The following CD84 variants were observed in gnomAD, a reference collection of about 807,000 sequenced individuals.
CD84 encodes the protein CD84 molecule, also known as SLAM family member 5.
A neutral mutation model predicts 33.8 loss-of-function variants in CD84; 22 were observed. The ratio of observed to expected loss-of-function variants is 0.65; its 90% CI spans 0.46 to 0.93. The LOEUF (loss-of-function observed/expected upper bound fraction) is 0.93, where lower values mean the gene tolerates loss of function less well. Ranked by LOEUF, CD84 falls within the 40% of genes least tolerant of loss-of-function variation. CD84 has a pLI of 0.00. For synonymous variants in CD84, 154 were observed against 145.2 expected, an observed-to-expected ratio of 1.06 and a Z score of -0.44; for missense variants, 400 against 397.6, an observed-to-expected ratio of 1.01 and a Z score of -0.05.
chr1:160,556,271 T>C (rs1237139462), intron 2 of CD84, among the ~76,000 whole-genome samples: 2 of 152,204 alleles, frequency 1.3e-5, no homozygotes, highest in East Asian at 1.9e-4. Flanking sequence ...CAAGCCAAGA[T>C]TGTGGAAGCC....
At chr1:160,556,620 T>C (rs1335410692) in intron 2 of CD84, among the ~76,000 whole-genome samples, 1 of 152,260 alleles carries the variant, frequency 6.6e-6, no homozygotes, top group African/African-American at 2.4e-5. Context: ...ATACAGTGCT[T>C]AAATATGTAT....
intron 2 of CD84, among the ~76,000 whole-genome samples, chr1:160,559,957 T>C (rs989507257): frequency 6.6e-6 from 1 of 152,140 alleles, no homozygotes; most frequent in African/African-American, 2.4e-5. Flanking sequence ...ATCCTAAATA[T>C]ATATGCACAC....
chr1:160,554,451 G>A lies in CD84; in HGVS notation c.389-305C>T, dbSNP rs137935654. On this transcript the variant is annotated intron_variant, in intron 2 of 6. Transcript: ENST00000368054. ...GCATGTCTTAAAATCAGCCATGGTA[G>A]GAGTATTACCCCACAGAAATTTGCA... Among the ~76,000 whole-genome samples the A allele has an allele frequency of 2.3e-4, 35 of 152,188 alleles. No homozygotes were observed. In the East Asian group the frequency reaches 4.8e-3, roughly 21 times the overall value.
Position 160,549,803 on chromosome 1 carries a change from G to A in CD84, c.921+114C>T, listed in dbSNP as rs150736246. ...ACCAAAAACCTAGGCAGTGGGTCCT[G>A]AGAACTACAAGGAGTCCCAGGGGAA... On this transcript the variant is annotated intron_variant, in intron 6 of 6. Transcript: ENST00000368054. 6.1e-3 allele frequency: 5,039 copies of A among 827,854 alleles called. 25 individuals carry two copies. The highest frequency in any genetic ancestry group is 8.6e-3 in the Non-Finnish European group (4,037 of 469,366). The allele number at this position is 827,854 out of a possible 1,614,324, so 51.3% of individuals were successfully genotyped here.
chr1:160,554,372 T>C (rs1213362858), intron 2 of CD84, among the ~76,000 whole-genome samples: 1 of 152,240 alleles, frequency 6.6e-6, no homozygotes, highest in Non-Finnish European at 1.5e-5. Context: ...CTCGAGGTTA[T>C]CTACATCTAT....
rs1314355287 is a variant in CD84, at chr1:160,579,469, C to A, written c.-32G>T. The A allele has an allele frequency of 1.2e-6, 2 of 1,612,328 alleles. No individual in the cohort carries two copies. Among genetic ancestry groups the A allele is most frequent in the Admixed American group, 3.3e-5 (2 of 59,790 alleles). On this transcript the variant is annotated 5_prime_UTR_variant, in exon 1 of 7. Transcript: ENST00000368054. ...CAGGGTCTAACCTTCTGTGGAAAAG[C>A]ACGGCACTGTTCTAGCAGAGTCAGT...
intron 2 of CD84, among the ~76,000 whole-genome samples, chr1:160,559,286 G>A: frequency 6.6e-6 from 1 of 152,200 alleles, no homozygotes; most frequent in South Asian, 2.1e-4. Context: ...GTACCTCTCA[G>A]TAGAAACTCT....
At chr1:160,566,344 C>T (rs1007697598) in intron 1 of CD84, among the ~76,000 whole-genome samples, 1 of 152,126 alleles carries the variant, frequency 6.6e-6, no homozygotes, top group Non-Finnish European at 1.5e-5. Flanking sequence ...GAGTGCCTAA[C>T]ACAGAGAAGG....
At chr1:160,574,927 CT>C (rs1230725827) in intron 1 of CD84, among the ~76,000 whole-genome samples, 2 of 152,082 alleles carry the variant, frequency 1.3e-5, no homozygotes, top group Non-Finnish European at 2.9e-5. Context: ...AAATAAACAT[CT>C]TCAAAGAGAC....
chr1:160,555,780 A>G (rs906313534), intron 2 of CD84, among the ~76,000 whole-genome samples: 5 of 152,244 alleles, frequency 3.3e-5, no homozygotes, highest in Admixed American at 3.3e-4. Flanking sequence ...TAGAAAGGCA[A>G]TAAATTCAGA....
Position 160,553,877 on chromosome 1 carries a change from A to C in CD84, c.640+18T>G, listed in dbSNP as rs1192796593. 2 of 1,614,028 alleles carry C rather than the reference A, an allele frequency of 1.2e-6. No individual in the cohort carries two copies. ...TGATCTCTGAGACTCACCAGGAGAG[A>C]TGGGCAGAGCTGGTTACCTGCACAG... On this transcript the variant is annotated intron_variant, in intron 3 of 6. Transcript: ENST00000368054.
intron 2 of CD84, among the ~76,000 whole-genome samples, chr1:160,557,860 C>T (rs1031385544): frequency 2.0e-5 from 3 of 152,162 alleles, no homozygotes; most frequent in Non-Finnish European, 4.4e-5. Flanking sequence ...GGAAGGGTCC[C>T]CTACAACGCG....
chr1:160,555,330 G>A (rs1656537313), intron 2 of CD84, among the ~76,000 whole-genome samples: 3 of 151,946 alleles, frequency 2.0e-5, no homozygotes, highest in African/African-American at 2.4e-5. Context: ...TGATCCACCC[G>A]CCTCGGCCTC....
chr1:160,569,995 A>T (rs553653478), intron 1 of CD84, among the ~76,000 whole-genome samples: 7 of 152,114 alleles, frequency 4.6e-5, no homozygotes, highest in African/African-American at 1.7e-4. Flanking sequence ...TGTAGTAATG[A>T]TGTGTGGGGA....
intron 1 of CD84, among the ~76,000 whole-genome samples, chr1:160,579,080 G>A (rs1571396866): frequency 6.6e-6 from 1 of 152,056 alleles, no homozygotes; most frequent in East Asian, 1.9e-4. Flanking sequence ...TCTTTCTTTT[G>A]CCAGGCTTTT....
chr1:160,574,710 GA>G (rs1361588874), intron 1 of CD84, among the ~76,000 whole-genome samples: 2 of 152,102 alleles, frequency 1.3e-5, no homozygotes, highest in Admixed American at 1.3e-4. Context: ...GACTGGCCAT[GA>G]ACCCCAGGGA....
rs1197006472 is a variant in CD84, at chr1:160,553,360, C to A, written c.760+18G>T. The A allele has an allele frequency of 1.9e-6, 3 of 1,613,976 alleles. No individual in the cohort carries two copies. The highest frequency in any genetic ancestry group is 2.5e-6 in the Non-Finnish European group (3 of 1,180,020). On this transcript the variant is annotated intron_variant, in intron 4 of 6. Transcript: ENST00000368054. ...GAGAAGGTGAGTTTCCACATTTTAC[C>A]TTCTGGGAAAATCCTACCTTGTCTT...
chr1:160,544,687 C>T lies in CD84; in HGVS notation c.*3569G>A, dbSNP rs1332555459. Reference sequence around the variant, plus strand: ...CCAAGCTGGCCCAACCAGGCTATTCCCTCATAGCCTGTGTAGTTTACAGTG... The same window carrying T: ...CCAAGCTGGCCCAACCAGGCTATTCTCTCATAGCCTGTGTAGTTTACAGTG... On this transcript the variant is annotated 3_prime_UTR_variant, in exon 7 of 7. Transcript: ENST00000368054. The T allele has an allele frequency of 6.6e-6, 1 of 152,122 alleles. No individual in the cohort carries two copies. Among genetic ancestry groups the T allele is most frequent in the Non-Finnish European group, 1.5e-5 (1 of 68,032 alleles). 9.4% of individuals were successfully genotyped at this position (152,122 alleles called of 1,614,324 possible). A position where few individuals can be genotyped will look rare whatever the true frequency, so the allele number is the denominator to read the frequency against.
intron 1 of CD84, among the ~76,000 whole-genome samples, chr1:160,578,503 C>T (rs948328464): frequency 6.6e-6 from 1 of 152,166 alleles, no homozygotes; most frequent in Non-Finnish European, 1.5e-5. Context: ...ACAGAAAATC[C>T]AAACGTACTA....
Sources: allele counts gnomAD v4.1 joint callset (sites outside exome capture counted in the v4.1 genomes callset), GRCh38; gene constraint gnomAD v4.1.1; transcripts MANE v1.5; gene names NCBI Gene and HGNC (gene_info 2026-07-23, HGNC 2026-07-21).